The following HYDIN variants were observed in gnomAD, a reference collection of about 807,000 sequenced individuals.
HYDIN encodes the protein axonemal central pair apparatus protein HYDIN.
HYDIN carries 132 observed loss-of-function variants against 403.9 expected under a neutral mutation model. The observed-to-expected ratio is 0.33, with a 90% CI of 0.28 to 0.38. The LOEUF (loss-of-function observed/expected upper bound fraction) is 0.38. Among genes scored for constraint, HYDIN ranks in the 10% least tolerant of loss-of-function variants. The probability of loss-of-function intolerance (pLI) is 1.00; values close to 1 mark genes in which losing one functional copy is unlikely to be tolerated. For missense variants in HYDIN, 2,827 were observed against 5,009.5 expected, an observed-to-expected ratio of 0.56 and a Z score of 13.15; for synonymous variants, 1,202 against 1,891.7, an observed-to-expected ratio of 0.64 and a Z score of 9.46.
rs577654275 is a variant in HYDIN, at chr16:70,807,738, G to A, written c.15208C>T (p.Arg5070Trp). 4.8e-5 allele frequency: 78 copies of A among 1,614,142 alleles called. No individual in the cohort carries two copies. Among genetic ancestry groups the A allele is most frequent in the South Asian group, 3.4e-4 (31 of 91,074 alleles). ...GTGATGTTGTTGATCTTCTTGGGCC[G>A]CACAGACTCTCCAGCGCGAATGGTG... is the stretch of plus-strand genomic sequence containing the variant. ...AFTIRAGESV[R>W]PKKINNITVS... The change falls in exon 86 of 86, where the codon CGG (arginine) becomes TGG (tryptophan). Residue 5070 changes from arginine to tryptophan, a missense_variant. By Grantham distance (101) the Arg-to-Trp change is moderately radical. Transcript: ENST00000393567.
At chr16:71,225,834 C>T (rs903317378) in intron 1 of HYDIN, among the ~76,000 whole-genome samples, 3 of 151,884 alleles carry the variant, frequency 2.0e-5, no homozygotes, top group East Asian at 3.9e-4. Flanking sequence ...CATCAAAAAA[C>T]AGAAAATAAA....
At chr16:71,084,141 TTTA>T (rs1386523839) in intron 12 of HYDIN, among the ~76,000 whole-genome samples, 4 of 143,594 alleles carry the variant, frequency 2.8e-5, no homozygotes, top group Middle Eastern at 3.2e-3. Context: ...AATTGAATTA[TTTA>T]TTGAGTTATA....
At chr16:71,151,457 C>T (rs1192190108) in intron 7 of HYDIN, among the ~76,000 whole-genome samples, 2 of 151,630 alleles carry the variant, frequency 1.3e-5, no homozygotes, top group African/African-American at 4.9e-5. Context: ...TTTCTATCTA[C>T]ACACAGATCA....
At chr16:70,967,559 G>A (rs1472703509) in intron 36 of HYDIN, among the ~76,000 whole-genome samples, 1 of 151,860 alleles carries the variant, frequency 6.6e-6, no homozygotes, top group Non-Finnish European at 1.5e-5. Context: ...ACAGCTCACT[G>A]CAACCTCTGC....
At chr16:70,859,906 G>A (rs1282101289) in intron 71 of HYDIN, among the ~76,000 whole-genome samples, 162 bp downstream of exon 71, 1 of 151,732 alleles carries the variant, frequency 6.6e-6, no homozygotes, top group Non-Finnish European at 1.5e-5. Flanking sequence ...CATCAGCATT[G>A]CCCAATGCAT....
At chr16:70,979,674 T>C (rs1427357073) in intron 29 of HYDIN, among the ~76,000 whole-genome samples, 2 of 152,180 alleles carry the variant, frequency 1.3e-5, no homozygotes, top group Non-Finnish European at 2.9e-5. Flanking sequence ...CTCACGCCTG[T>C]AATCCTAGCA....
At chr16:70,990,679 T>G (rs977160718) in intron 25 of HYDIN, among the ~76,000 whole-genome samples, 17 of 152,208 alleles carry the variant, frequency 1.1e-4, no homozygotes, top group Non-Finnish European at 2.1e-4. Context: ...TTCCAATATT[T>G]CTTGCTTTTA....
At chr16:71,211,195 G>C (rs1363752946) in intron 1 of HYDIN, among the ~76,000 whole-genome samples, 1 of 152,054 alleles carries the variant, frequency 6.6e-6, no homozygotes, top group Non-Finnish European at 1.5e-5. Context: ...TAAAAAGAAA[G>C]AGGAAAAATA....
chr16:71,091,127 AG>A (rs1265423065), intron 11 of HYDIN, among the ~76,000 whole-genome samples: 1 of 3,260 alleles, frequency 3.1e-4, no homozygotes, highest in East Asian at 3.5e-3. Context: ...CACAATTCAG[AG>A]GCCTTTTGAT....
At chr16:70,933,919 G>A (rs1226297414) in intron 45 of HYDIN, among the ~76,000 whole-genome samples, 2 of 152,080 alleles carry the variant, frequency 1.3e-5, no homozygotes, top group African/African-American at 2.4e-5. Context: ...TCACGCATGG[G>A]ATGGGGGTCA....
intron 23 of HYDIN, among the ~76,000 whole-genome samples, chr16:71,002,651 G>T (rs1017467452): frequency 6.7e-6 from 1 of 149,174 alleles, no homozygotes; most frequent in African/African-American, 2.5e-5. Flanking sequence ...CACTTTTCAC[G>T]TTTGTATCTT....
chr16:71,061,861 A>AGTGTGTGTGTGT (rs66689823), intron 17 of HYDIN, among the ~76,000 whole-genome samples: 165 of 144,122 alleles, frequency 1.1e-3, no homozygotes, highest in Middle Eastern at 3.6e-3. Context: ...CATGTGTGAC[A>AGTGTGTGTGTGT]GTGTGTGTGT....
chr16:71,074,053 G>A (rs2082552616), intron 13 of HYDIN, among the ~76,000 whole-genome samples: 1 of 152,074 alleles, frequency 6.6e-6, no homozygotes, highest in Admixed American at 6.5e-5. Flanking sequence ...GCAAATAAAT[G>A]CCACATCTCC....
intron 27 of HYDIN, among the ~76,000 whole-genome samples, chr16:70,985,592 T>C (rs1228913441): frequency 6.6e-6 from 1 of 151,756 alleles, no homozygotes; most frequent in Non-Finnish European, 1.5e-5. Context: ...CTACAGGAAC[T>C]TGTAATAGAG....
chr16:71,005,035 G>A (rs2079850272), intron 23 of HYDIN, among the ~76,000 whole-genome samples: 1 of 152,130 alleles, frequency 6.6e-6, no homozygotes, highest in Admixed American at 6.6e-5. Context: ...TTACTTGTTT[G>A]TTTCTTGTTA....
At chr16:70,839,647 T>C (rs1000148730) in intron 76 of HYDIN, among the ~76,000 whole-genome samples, 11 of 152,162 alleles carry the variant, frequency 7.2e-5, no homozygotes, top group African/African-American at 2.4e-4. Context: ...GACTAGAACA[T>C]CCCACACAGG....
intron 4 of HYDIN, 138 bp from the exon 5 acceptor site, chr16:71,175,879 A>C: frequency 2.5e-6 from 2 of 784,360 alleles, no homozygotes; most frequent in South Asian, 2.9e-5. Flanking sequence ...ATAAAAGGAG[A>C]TGATAGTACT....
intron 6 of HYDIN, among the ~76,000 whole-genome samples, chr16:71,157,985 T>G (rs2085842802): frequency 6.8e-6 from 1 of 147,598 alleles, no homozygotes; most frequent in South Asian, 2.2e-4. Flanking sequence ...GGGACTCTGC[T>G]GAAGACAAAG....
At position 71,073,056 on chromosome 16, in the gene HYDIN, A is replaced by T. The variant is rs1195824922; in HGVS notation, c.1739-3554T>A. 2.6e-5 allele frequency among the ~76,000 whole-genome samples: 4 copies of T among 152,254 alleles called. No individual in the cohort carries two copies. In the East Asian group the frequency reaches 7.9e-4, roughly 30 times the overall value. On this transcript the variant is annotated intron_variant, in intron 13 of 85. Coordinates refer to ENST00000393567, the MANE Select transcript of HYDIN (RefSeq NM_001270974.2). ...TGGGGATCTTAAGTAGAGGTTTTCT[A>T]AAAAAACAGAAAAAACCTTCAGAAG...
Sources: allele counts gnomAD v4.1 joint callset (sites outside exome capture counted in the v4.1 genomes callset), GRCh38; gene constraint gnomAD v4.1.1; transcripts MANE v1.5; gene names NCBI Gene and HGNC (gene_info 2026-07-23, HGNC 2026-07-21).